Variants in PLCB1 observed in about 807,000 individuals in gnomAD.
The protein encoded by PLCB1 is 1-phosphatidylinositol 4,5-bisphosphate phosphodiesterase beta-1.
PLCB1 carries 46 observed loss-of-function variants against 161.8 expected under a neutral mutation model. The ratio of observed to expected loss-of-function variants is 0.28; its 90% CI spans 0.22 to 0.36. The LOEUF (loss-of-function observed/expected upper bound fraction) is 0.36, where lower values mean the gene tolerates loss of function less well. PLCB1 is among the 10% of genes least tolerant of loss of function. The pLI is 1.00. For missense variants in PLCB1, 1,016 were observed against 1,472.5 expected, an observed-to-expected ratio of 0.69 and a Z score of 5.07; for synonymous variants, 517 against 503.7, an observed-to-expected ratio of 1.03 and a Z score of -0.35.
At chr20:8,320,913 AGAG>A (rs201702156) in intron 2 of PLCB1, among the ~76,000 whole-genome samples, 86 of 147,788 alleles carry the variant, frequency 5.8e-4, no homozygotes, top group African/African-American at 2.1e-3. Flanking sequence ...GAAAAGAAGA[AGAG>A]GAAGAAGAGG....
intron 2 of PLCB1, among the ~76,000 whole-genome samples, chr20:8,287,755 A>G (rs1301268089): frequency 1.3e-5 from 2 of 152,202 alleles, no homozygotes; most frequent in Admixed American, 6.5e-5. Flanking sequence ...ACATGTGACA[A>G]TGATCTTTGC....
intron 3 of PLCB1, among the ~76,000 whole-genome samples, chr20:8,555,958 A>G (rs1443982734): frequency 6.8e-6 from 1 of 147,550 alleles, no homozygotes; most frequent in African/African-American, 2.5e-5. Flanking sequence ...AAATTACATG[A>G]AAGAGACACT....
intron 31 of PLCB1, among the ~76,000 whole-genome samples, chr20:8,809,805 G>A (rs1984723840): frequency 6.6e-6 from 1 of 151,912 alleles, no homozygotes; most frequent in Admixed American, 6.6e-5. Flanking sequence ...TGAACTTTCA[G>A]GCCCTCAGTA....
chr20:8,669,494 C>T (rs1989893784), intron 9 of PLCB1, among the ~76,000 whole-genome samples: 1 of 152,164 alleles, frequency 6.6e-6, no homozygotes, highest in African/African-American at 2.4e-5. Context: ...ACATTTGTGA[C>T]CTGAATGGAA....
At chr20:8,303,418 T>C (rs770690299) in intron 2 of PLCB1, among the ~76,000 whole-genome samples, 1 of 152,080 alleles carries the variant, frequency 6.6e-6, no homozygotes, top group African/African-American at 2.4e-5. Flanking sequence ...TTAAAAGAAA[T>C]TTAGGTAAGA....
intron 2 of PLCB1, among the ~76,000 whole-genome samples, chr20:8,299,472 A>C (rs1172435995): frequency 6.6e-6 from 1 of 152,156 alleles, no homozygotes; most frequent in East Asian, 1.9e-4. Flanking sequence ...TCTTGCCTCA[A>C]GGGCATATCA....
intron 18 of PLCB1, among the ~76,000 whole-genome samples, chr20:8,731,900 AT>A (rs962971650): frequency 2.0e-5 from 3 of 151,878 alleles, no homozygotes; most frequent in African/African-American, 7.2e-5. Flanking sequence ...AATTTCACTG[AT>A]TTTTTTCTGC....
intron 3 of PLCB1, among the ~76,000 whole-genome samples, chr20:8,580,380 C>T (rs1043481630): frequency 6.6e-6 from 1 of 152,156 alleles, no homozygotes; most frequent in Admixed American, 6.5e-5. Flanking sequence ...ACAATGACCA[C>T]AAAAATCTCA....
Position 8,685,570 on chromosome 20 carries a change from C to CAAAA in PLCB1, c.1009+506_1009+509dup, listed in dbSNP as rs72078385. Reference sequence around the variant, plus strand: ...GAAACCCCTGTCTCTACTAAAAATACAAAAAAAAAAAAAAAAATCAGCCAG... The same window carrying CAAAA: ...GAAACCCCTGTCTCTACTAAAAATACAAAAAAAAAAAAAAAAAAAAATCAGCCAG... On this transcript the variant is annotated intron_variant, in intron 10 of 31. Transcript: ENST00000338037. 4.8e-4 allele frequency among the ~76,000 whole-genome samples: 58 copies of CAAAA among 121,576 alleles called. 1 individual carries two copies. The highest frequency in any genetic ancestry group is 1.4e-3 in the Admixed American group (15 of 11,036). 79.8% of individuals were successfully genotyped at this position (121,576 alleles called of 152,430 possible).
At chr20:8,824,910 A>G (rs1985615885) in intron 31 of PLCB1, among the ~76,000 whole-genome samples, 1 of 152,134 alleles carries the variant, frequency 6.6e-6, no homozygotes, top group African/African-American at 2.4e-5. Context: ...AACATCCTGG[A>G]TATTGGTTGA....
intron 3 of PLCB1, among the ~76,000 whole-genome samples, chr20:8,465,563 A>G (rs1379559323): frequency 6.6e-6 from 1 of 152,142 alleles, no homozygotes; most frequent in Non-Finnish European, 1.5e-5. Context: ...AAATCATACA[A>G]ATGGAAGCTC....
At chr20:8,688,343 A>G (rs1427764086) in intron 10 of PLCB1, among the ~76,000 whole-genome samples, 1 of 152,184 alleles carries the variant, frequency 6.6e-6, no homozygotes, top group Admixed American at 6.5e-5. Context: ...TAGTTTAATT[A>G]GGTCCCAGCC....
chr20:8,484,099 C>A (rs987936427), intron 3 of PLCB1, among the ~76,000 whole-genome samples: 1 of 152,198 alleles, frequency 6.6e-6, no homozygotes, highest in Non-Finnish European at 1.5e-5. Flanking sequence ...GATCTTGGCT[C>A]ACCACAACCT....
At chr20:8,878,974 A>G (rs182841372) in intron 31 of PLCB1, among the ~76,000 whole-genome samples, 1 of 152,034 alleles carries the variant, frequency 6.6e-6, no homozygotes, top group East Asian at 1.9e-4. Flanking sequence ...CCCCCACTTT[A>G]TTAGTCCCCA....
At chr20:8,158,920 C>A (rs896757120) in intron 2 of PLCB1, among the ~76,000 whole-genome samples, 2 of 152,206 alleles carry the variant, frequency 1.3e-5, no homozygotes, top group Non-Finnish European at 2.9e-5. Context: ...GGTACAGCCC[C>A]CTTCCTGGCT....
Position 8,440,361 on chromosome 20 carries a change from T to G in PLCB1, c.246+68911T>G, listed in dbSNP as rs138704869. Among the ~76,000 whole-genome samples the G allele has an allele frequency of 6.2e-3, 944 of 152,322 alleles. 11 individuals are homozygous for G. Among genetic ancestry groups the G allele is most frequent in the African/African-American group, 0.022 (906 of 41,574 alleles). ...AGGATGTATTTATTTTATTTGGACT[T>G]TAGTCATGTTTTTATTGTCTGTAAA... On this transcript the variant is annotated intron_variant, in intron 3 of 31. Transcript: ENST00000338037.
chr20:8,265,552 T>TG (rs761343400), intron 2 of PLCB1, among the ~76,000 whole-genome samples: 1 of 152,170 alleles, frequency 6.6e-6, no homozygotes, highest in Non-Finnish European at 1.5e-5. Flanking sequence ...AAAAATATTT[T>TG]GGGGCACCTA....
At chr20:8,836,059 C>T (rs1600370095) in intron 31 of PLCB1, among the ~76,000 whole-genome samples, 1 of 147,140 alleles carries the variant, frequency 6.8e-6, no homozygotes, top group Non-Finnish European at 1.5e-5. Context: ...GACTGGCTGG[C>T]AGTTGGGACA....
At chr20:8,302,848 A>G (rs1983970052) in intron 2 of PLCB1, among the ~76,000 whole-genome samples, 1 of 152,184 alleles carries the variant, frequency 6.6e-6, no homozygotes, top group African/African-American at 2.4e-5. Context: ...GATCTTCTTT[A>G]TTAAATATTA....
Sources: gnomAD v4.1 joint callset for allele counts (sites outside exome capture counted in the v4.1 genomes callset) on GRCh38, gnomAD v4.1.1 for gene constraint, MANE v1.5 for transcripts, NCBI Gene and HGNC (gene_info 2026-07-23, HGNC 2026-07-21) for gene names.